The following SNX30 variants were observed in gnomAD, a reference collection of about 807,000 sequenced individuals.
The protein encoded by SNX30 is sorting nexin-30.
A neutral mutation model predicts 46.4 loss-of-function variants in SNX30; 24 were observed. The observed-to-expected ratio is 0.52, with a 90% CI of 0.37 to 0.73. SNX30 has a LOEUF of 0.73. Ranked by LOEUF, SNX30 falls within the 30% of genes least tolerant of loss-of-function variation. The pLI, the probability that SNX30 is intolerant of heterozygous loss-of-function variation, is 0.00. For missense variants in SNX30, 533 were observed against 555.7 expected, an observed-to-expected ratio of 0.96 and a Z score of 0.41; for synonymous variants, 189 against 211.5, an observed-to-expected ratio of 0.89 and a Z score of 0.92.
intron 6 of SNX30, among the ~76,000 whole-genome samples, chr9:112,845,214 A>T (rs1840921528): frequency 6.6e-6 from 1 of 152,240 alleles, no homozygotes; most frequent in Non-Finnish European, 1.5e-5. Flanking sequence ...AAGCCCACAG[A>T]CAAGAGCAAC....
chr9:112,868,118 C>T (rs896077211), intron 8 of SNX30, among the ~76,000 whole-genome samples: 1 of 152,298 alleles, frequency 6.6e-6, no homozygotes, highest in Non-Finnish European at 1.5e-5. Flanking sequence ...CTTGTCTTCC[C>T]CATCCATGAA....
chr9:112,876,741 G>A (rs1244372535), downstream of SNX30, among the ~76,000 whole-genome samples: 4 of 151,324 alleles, frequency 2.6e-5, no homozygotes, highest in African/African-American at 9.8e-5. Flanking sequence ...GTTCGAGACC[G>A]GCCTAGCCAA....
intron 3 of SNX30, among the ~76,000 whole-genome samples, chr9:112,821,943 G>A (rs4549852): frequency 0.94 from 142,615 of 152,222 alleles, 66,880 homozygotes; most frequent in East Asian, 1. Flanking sequence ...TGCCTGGCTG[G>A]TTTTTAATTT....
rs11791590 is a variant in SNX30 at position 112,790,256 on chromosome 9, C to T, written c.157-14520C>T. Among the ~76,000 whole-genome samples, 463 of 152,316 alleles carry T rather than the reference C, an allele frequency of 3.0e-3. 2 individuals are homozygous for T. Among genetic ancestry groups the T allele is most frequent in the Admixed American group, 4.8e-3 (74 of 15,302 alleles). ...TCTTAATATTCCCTACTTTTTATAT[C>T]ACTGTGTCCTATTTAGACTGTTAAA... On this transcript the variant is annotated intron_variant, in intron 1 of 8. Coordinates refer to ENST00000374232, the MANE Select transcript of SNX30 (RefSeq NM_001012994.2).
chr9:112,820,231 A>G (rs1263137784), intron 3 of SNX30, among the ~76,000 whole-genome samples: 1 of 146,880 alleles, frequency 6.8e-6, no homozygotes, highest in East Asian at 2.0e-4. Flanking sequence ...GCAGAAACTT[A>G]ATTTTTTTTC....
chr9:112,772,120 G>C (rs1839661009), intron 1 of SNX30, among the ~76,000 whole-genome samples: 1 of 152,146 alleles, frequency 6.6e-6, no homozygotes, highest in African/African-American at 2.4e-5. Context: ...AAGAGGAAGA[G>C]GTGTTTTCAG....
At chr9:112,840,853 C>T (rs555352548) in intron 6 of SNX30, among the ~76,000 whole-genome samples, 83 of 151,934 alleles carry the variant, frequency 5.5e-4, no homozygotes, top group African/African-American at 1.9e-3. Flanking sequence ...GATCTCAGCT[C>T]ACCGCAAGCT....
intron 6 of SNX30, among the ~76,000 whole-genome samples, chr9:112,844,939 A>C (rs572973775): frequency 8.5e-5 from 13 of 152,362 alleles, no homozygotes; most frequent in African/African-American, 3.1e-4. Flanking sequence ...GCCTTTCCAA[A>C]ACTGAAATGA....
At chr9:112,822,745 A>G (rs1840523735) in intron 3 of SNX30, among the ~76,000 whole-genome samples, 1 of 152,174 alleles carries the variant, frequency 6.6e-6, no homozygotes, top group African/African-American at 2.4e-5. Flanking sequence ...TAAACAGTTC[A>G]TAAGTTTTAC....
At chr9:112,826,160 G>GT (rs1840576630) in intron 3 of SNX30, among the ~76,000 whole-genome samples, 1 of 152,110 alleles carries the variant, frequency 6.6e-6, no homozygotes, top group Non-Finnish European at 1.5e-5. Context: ...TGAGAGTATC[G>GT]TAACAGGACT....
At chr9:112,865,746 T>A (rs1314135440) in intron 8 of SNX30, among the ~76,000 whole-genome samples, 3 of 141,814 alleles carry the variant, frequency 2.1e-5, no homozygotes, top group South Asian at 2.3e-4. Flanking sequence ...CATGAGTGAG[T>A]GTGTGTGTGT....
intron 1 of SNX30, among the ~76,000 whole-genome samples, chr9:112,754,606 A>G (rs1839321923): frequency 6.6e-6 from 1 of 151,978 alleles, no homozygotes; most frequent in Non-Finnish European, 1.5e-5. Context: ...GGGTTTTACC[A>G]TGTTAGCCTG....
intron 7 of SNX30, among the ~76,000 whole-genome samples, chr9:112,860,148 G>T (rs1419882695): frequency 6.6e-6 from 1 of 151,890 alleles, no homozygotes; most frequent in Non-Finnish European, 1.5e-5. Flanking sequence ...GGGTTTCACC[G>T]TGTTGGCCAG....
chr9:112,883,690 TTTTTC>T (rs552121747), downstream of SNX30, among the ~76,000 whole-genome samples: 1,236 of 129,320 alleles, frequency 9.6e-3, 7 homozygotes, highest in Non-Finnish European at 0.013. Context: ...GTTTTTTTCT[TTTTTC>T]TTTTCTTTTT....
intron 2 of SNX30, among the ~76,000 whole-genome samples, chr9:112,809,782 GAGAGA>G (rs888532553): frequency 2.6e-5 from 4 of 152,102 alleles, no homozygotes; most frequent in African/African-American, 9.7e-5. Context: ...AGGGGTAAGA[GAGAGA>G]AGAGTGTTAG....
intron 7 of SNX30, among the ~76,000 whole-genome samples, chr9:112,851,459 G>C (rs1841024797): frequency 6.6e-6 from 1 of 152,220 alleles, no homozygotes; most frequent in Non-Finnish European, 1.5e-5. Context: ...CTGCACGGCA[G>C]GACTACAGCT....
chr9:112,756,026 T>G (rs1390505170), intron 1 of SNX30, among the ~76,000 whole-genome samples: 1 of 152,174 alleles, frequency 6.6e-6, no homozygotes, highest in African/African-American at 2.4e-5. Context: ...TTTTTTAAAA[T>G]TGGGGAATAT....
At chr9:112,783,544 C>G (rs533113956) in intron 1 of SNX30, among the ~76,000 whole-genome samples, 2 of 152,276 alleles carry the variant, frequency 1.3e-5, no homozygotes, top group African/African-American at 4.8e-5. Flanking sequence ...CATCTTAGCC[C>G]CAAGACTTTG....
chr9:112,768,798 G>A (rs1027367601), intron 1 of SNX30, among the ~76,000 whole-genome samples: 3 of 151,412 alleles, frequency 2.0e-5, no homozygotes, highest in African/African-American at 4.9e-5. Context: ...CTGGGATTAC[G>A]GGCACCTGCC....
Sources: gnomAD v4.1 joint callset for allele counts (sites outside exome capture counted in the v4.1 genomes callset) on GRCh38, gnomAD v4.1.1 for gene constraint, MANE v1.5 for transcripts, NCBI Gene and HGNC (gene_info 2026-07-23, HGNC 2026-07-21) for gene names.